ANO4: variants seen among roughly 807,000 people sequenced by gnomAD.
The protein encoded by ANO4 is anoctamin 4, also known as anoctamin-4.
ANO4 carries 69 observed loss-of-function variants against 141.9 expected under a neutral mutation model. The observed-to-expected ratio is 0.49, with a 90% CI of 0.40 to 0.59. ANO4 has a LOEUF of 0.59. Among genes scored for constraint, ANO4 ranks in the 20% least tolerant of loss-of-function variants. The pLI, the probability that ANO4 is intolerant of heterozygous loss-of-function variation, is 0.00. For synonymous variants in ANO4, 350 were observed against 394.3 expected, an observed-to-expected ratio of 0.89 and a Z score of 1.33; for missense variants, 894 against 1,162.2, an observed-to-expected ratio of 0.77 and a Z score of 3.36.
chr12:100,801,171 C>T lies in ANO4; in HGVS notation c.-141+6144C>T, dbSNP rs532381611. Among the ~76,000 whole-genome samples the T allele has an allele frequency of 2.0e-5, 3 of 151,592 alleles. No individual in the cohort carries two copies. In the East Asian group the frequency reaches 5.8e-4, roughly 30 times the overall value. The stretch of plus-strand genomic sequence containing the variant: ...GAGGGCAGGGACTATATGTTCTGTA[C>T]CTCAAATCTTGGTTTAGTGACTGCT... On this transcript the variant is annotated intron_variant, in intron 1 of 27. Coordinates refer to ENST00000392977, the MANE Select transcript of ANO4 (RefSeq NM_001286615.2).
rs75888138 is a variant in ANO4, at chr12:101,077,335, T to A, written c.1313-1858T>A. 2.3e-3 allele frequency among the ~76,000 whole-genome samples: 343 copies of A among 152,278 alleles called. 3 individuals carry two copies. The highest frequency in any genetic ancestry group is 6.8e-3 in the Middle Eastern group (2 of 294). On this transcript the variant is annotated intron_variant, in intron 14 of 27. Transcript: ENST00000392977. ...TCCATGCACCTTTTCCCTTTGCAGA[T>A]TTTGCTTTATAGTGTTTCACTGTAA...
chr12:100,744,404 A>G (rs1327907655), intron 3 of ANO4, among the ~76,000 whole-genome samples: 1 of 152,158 alleles, frequency 6.6e-6, no homozygotes, highest in African/African-American at 2.4e-5. Context: ...GGCTGTCTTC[A>G]TGGTTTCTAG....
At chr12:100,821,381 A>G (rs993708840) in intron 1 of ANO4, among the ~76,000 whole-genome samples, 3 of 152,060 alleles carry the variant, frequency 2.0e-5, no homozygotes, top group Non-Finnish European at 4.4e-5. Context: ...TGTCCAGAAT[A>G]GTACTTAATT....
intron 3 of ANO4, among the ~76,000 whole-genome samples, chr12:100,754,725 A>G (rs1283182348): frequency 6.6e-6 from 1 of 152,216 alleles, no homozygotes; most frequent in African/African-American, 2.4e-5. Context: ...ACAATGGTAT[A>G]TTATTCAGCT....
At chr12:100,739,866 C>A (rs1514803) in exon 3 of ANO4, 6 of 702,336 alleles carry the variant, frequency 8.5e-6, no homozygotes, top group Non-Finnish European at 1.3e-5. Context: ...TATGACGTTG[C>A]GGGGCCTGTG....
chr12:101,075,277 A>G lies in ANO4; in HGVS notation c.1313-3916A>G, dbSNP rs150625612. ...GAGTTAGCCTGGAGTCTGAAGTGCA[A>G]GTCAGGGCAGAGCGAGTTGGGCTTA... is the stretch of plus-strand genomic sequence containing the variant. On this transcript the variant is annotated intron_variant, in intron 14 of 27. Transcript: ENST00000392977. Among the ~76,000 whole-genome samples, 6 of 152,312 alleles carry G rather than the reference A, an allele frequency of 3.9e-5. No individual in the cohort carries two copies. In the East Asian group the frequency reaches 1.2e-3, roughly 29 times the overall value.
intron 8 of ANO4, among the ~76,000 whole-genome samples, chr12:100,991,121 A>G (rs1036576301): frequency 1.3e-5 from 2 of 152,220 alleles, no homozygotes; most frequent in African/African-American, 2.4e-5. Flanking sequence ...GAAAAATTAA[A>G]TAAGTGTCTT....
intron 3 of ANO4, 105 bp downstream of exon 3, chr12:100,922,435 T>C: frequency 1.4e-6 from 1 of 734,444 alleles, no homozygotes; most frequent in Middle Eastern, 3.3e-4. Context: ...TTAAAAAATA[T>C]TAACAAAATG....
intron 8 of ANO4, among the ~76,000 whole-genome samples, chr12:101,015,000 T>TG (rs2046255770): frequency 1.3e-5 from 2 of 151,476 alleles, no homozygotes; most frequent in Admixed American, 1.3e-4. Flanking sequence ...CAGCTAATTT[T>TG]TTTTTTTGTA....
chr12:100,757,962 A>G (rs2032687023), intron 3 of ANO4, among the ~76,000 whole-genome samples: 2 of 152,112 alleles, frequency 1.3e-5, no homozygotes, highest in African/African-American at 2.4e-5. Context: ...AGGACTGTGG[A>G]TTTTAATATA....
At chr12:100,907,898 GC>G (rs2040918925) in intron 2 of ANO4, among the ~76,000 whole-genome samples, 1 of 152,194 alleles carries the variant, frequency 6.6e-6, no homozygotes, top group African/African-American at 2.4e-5. Flanking sequence ...TCAAACGCAG[GC>G]AGTGTAGATT....
At chr12:100,929,032 A>T in intron 3 of ANO4, among the ~76,000 whole-genome samples, 1 of 152,082 alleles carries the variant, frequency 6.6e-6, no homozygotes. Context: ...TACATGAAAT[A>T]TTTTGATACA....
chr12:100,942,520 G>A lies in ANO4; in HGVS notation c.441G>A (p.Leu147=). The change falls in exon 5 of 28, where the codon TTG becomes TTA. Residue 147 remains leucine (L), a synonymous_variant. Coordinates refer to ENST00000392977, the MANE Select transcript of ANO4 (RefSeq NM_001286615.2). ...AAAGAAACATTAGAGCAGAAGGATT[G>A]CAAATGGAGAAAGAGGTAAATAGTT... The part of the protein sequence containing the change: ...VFERNIRAEG[L]QMEKESSLIN... The A allele has an allele frequency of 6.2e-7, 1 of 1,613,200 alleles. No homozygotes were observed. The highest frequency in any genetic ancestry group is 8.5e-7 in the Non-Finnish European group (1 of 1,179,784).
chr12:101,089,230 C>T (rs1475895189), intron 17 of ANO4, among the ~76,000 whole-genome samples: 1 of 152,000 alleles, frequency 6.6e-6, no homozygotes, highest in Non-Finnish European at 1.5e-5. Flanking sequence ...TAACAAAGAA[C>T]TTAATTTATG....
chr12:101,022,291 A>G (rs1404186663), intron 9 of ANO4, among the ~76,000 whole-genome samples: 1 of 152,162 alleles, frequency 6.6e-6, no homozygotes, highest in Non-Finnish European at 1.5e-5. Flanking sequence ...TTCCTTCAAT[A>G]AAGTCCTCTG....
At chr12:100,768,457 T>C (rs2033174100) in intron 3 of ANO4, among the ~76,000 whole-genome samples, 1 of 152,218 alleles carries the variant, frequency 6.6e-6, no homozygotes, top group Non-Finnish European at 1.5e-5. Context: ...GATGTTTCTT[T>C]GGGGGGACCA....
At chr12:100,922,409 C>T (rs926741890) in intron 3 of ANO4, 79 bp downstream of exon 3, 1 of 912,444 alleles carries the variant, frequency 1.1e-6, no homozygotes, top group Non-Finnish European at 1.6e-6. Flanking sequence ...AAACTAGAAA[C>T]CTTAGATGTC....
At chr12:100,859,032 T>C (rs941274125) in intron 1 of ANO4, 4 of 152,198 alleles carry the variant, frequency 2.6e-5, no homozygotes, top group African/African-American at 9.7e-5. Flanking sequence ...AGTAACATAA[T>C]AAACAAATTA....
chr12:100,762,173 A>T (rs1441921294), intron 3 of ANO4, among the ~76,000 whole-genome samples: 1 of 152,132 alleles, frequency 6.6e-6, no homozygotes, highest in Non-Finnish European at 1.5e-5. Flanking sequence ...TTTCCAGATG[A>T]TTCTAAATGC....
Sources: gnomAD v4.1 joint callset for allele counts (sites outside exome capture counted in the v4.1 genomes callset) on GRCh38, gnomAD v4.1.1 for gene constraint, MANE v1.5 for transcripts, NCBI Gene and HGNC (gene_info 2026-07-23, HGNC 2026-07-21) for gene names.